Variants in PDZRN3 observed in about 807,000 individuals in gnomAD.
The protein encoded by PDZRN3 is PDZ domain containing ring finger 3.
PDZRN3 carries 38 observed loss-of-function variants against 85.7 expected under a neutral mutation model. The ratio of observed to expected loss-of-function variants is 0.44; its 90% CI spans 0.34 to 0.58. The LOEUF is 0.58. PDZRN3 is among the 20% of genes least tolerant of loss of function. The pLI is 0.01. For synonymous variants in PDZRN3, 759 were observed against 638.0 expected, an observed-to-expected ratio of 1.19 and a Z score of -2.86; for missense variants, 1,629 against 1,506.4, an observed-to-expected ratio of 1.08 and a Z score of -1.35.
At chr3:73,472,357 C>T (rs1456015667) in intron 3 of PDZRN3, among the ~76,000 whole-genome samples, 3 of 152,292 alleles carry the variant, frequency 2.0e-5, no homozygotes, top group Non-Finnish European at 2.9e-5. Flanking sequence ...TGGGATCTCA[C>T]CACTGACCAT....
chr3:73,387,881 C>T (rs2106681730), intron 8 of PDZRN3, 87 bp downstream of exon 8: 2 of 649,798 alleles, frequency 3.1e-6, no homozygotes, highest in African/African-American at 1.8e-5. Flanking sequence ...AAGTTCGCAG[C>T]CAATACTCAG....
chr3:73,604,378 T>G (rs1407761329), intron 2 of PDZRN3, among the ~76,000 whole-genome samples: 1 of 152,178 alleles, frequency 6.6e-6, no homozygotes, highest in Non-Finnish European at 1.5e-5. Context: ...GTAAGTACTA[T>G]TATTACCCAT....
chr3:73,474,434 G>C (rs1415907737), intron 3 of PDZRN3: 4 of 1,226,668 alleles, frequency 3.3e-6, no homozygotes, highest in Non-Finnish European at 4.3e-6. Flanking sequence ...CATTAAAAAA[G>C]GTGGAGCAGA....
chr3:73,554,244 G>A lies in PDZRN3; in HGVS notation c.918+48110C>T, dbSNP rs114087453. Among the ~76,000 whole-genome samples the A allele has an allele frequency of 6.0e-3, 915 of 152,176 alleles. 6 individuals carry two copies. Among genetic ancestry groups the A allele is most frequent in the African/African-American group, 0.021 (878 of 41,504 alleles). On this transcript the variant is annotated intron_variant, in intron 3 of 9. Transcript: ENST00000263666. ...GATTCAAATCCAGTATGCAGCTTAC[G>A]AGGTGTGACATTGGCCAAGTCACAA...
At chr3:73,622,768 T>C (rs1011980647) in intron 1 of PDZRN3, among the ~76,000 whole-genome samples, 6 of 152,210 alleles carry the variant, frequency 3.9e-5, no homozygotes, top group Non-Finnish European at 8.8e-5. Context: ...ACAAGTTATA[T>C]AACTTCTCTG....
chr3:73,446,164 T>G (rs1702744363), intron 3 of PDZRN3, among the ~76,000 whole-genome samples: 2 of 152,174 alleles, frequency 1.3e-5, no homozygotes, highest in Non-Finnish European at 1.5e-5. Context: ...TTTTACACCT[T>G]TCACTGCAGA....
At chr3:73,499,461 C>T (rs996599079) in intron 3 of PDZRN3, among the ~76,000 whole-genome samples, 3 of 152,124 alleles carry the variant, frequency 2.0e-5, no homozygotes, top group Non-Finnish European at 2.9e-5. Flanking sequence ...ATCTCTGTCT[C>T]GAGTCCTTAC....
chr3:73,398,908 T>TAAG (rs1701693558), intron 5 of PDZRN3, among the ~76,000 whole-genome samples: 1 of 152,186 alleles, frequency 6.6e-6, no homozygotes, highest in Non-Finnish European at 1.5e-5. Flanking sequence ...GTAGTTTAAA[T>TAAG]AAGTTGAGTC....
At chr3:73,397,056 CAG>C (rs751051344) in intron 5 of PDZRN3, among the ~76,000 whole-genome samples, 8 of 144,286 alleles carry the variant, frequency 5.5e-5, no homozygotes, top group African/African-American at 1.5e-4. Flanking sequence ...TTTTTTGAGA[CAG>C]AGTCTTGCTC....
chr3:73,498,171 T>C (rs1004415059), intron 3 of PDZRN3, among the ~76,000 whole-genome samples: 1 of 152,188 alleles, frequency 6.6e-6, no homozygotes, highest in Non-Finnish European at 1.5e-5. Flanking sequence ...CATCAATCCC[T>C]GTCACTCCAC....
At chr3:73,415,206 G>A (rs551106134) in intron 3 of PDZRN3, among the ~76,000 whole-genome samples, 2 of 152,274 alleles carry the variant, frequency 1.3e-5, no homozygotes, top group South Asian at 4.1e-4. Context: ...GGAGAGGGAG[G>A]TCCCCTGAGG....
In PDZRN3 at chr3:73,623,983, AG is replaced by A. The variant is rs954611847; in HGVS notation, c.723+119del. ...TACAGCTGGTAAGCAGTGGAAGAAGAGGGAGGAAGCAAGGATGTTCCCGGGA... is the reference window on the plus strand; with the variant it reads ...TACAGCTGGTAAGCAGTGGAAGAAGAGGAGGAAGCAAGGATGTTCCCGGGA... On this transcript the variant is annotated intron_variant, in intron 1 of 9. Transcript: ENST00000263666. 5.0e-6 allele frequency: 5 copies of A among 994,022 alleles called. No individual in the cohort carries two copies. In the African/African-American group the frequency reaches 8.6e-5, roughly 17 times the overall value. The allele number at this position is 994,022 out of a possible 1,614,324, so 61.6% of individuals were successfully genotyped here.
chr3:73,508,411 G>T (rs1704106240), intron 3 of PDZRN3, among the ~76,000 whole-genome samples: 1 of 152,212 alleles, frequency 6.6e-6, no homozygotes, highest in Admixed American at 6.5e-5. Flanking sequence ...AGTGAAAGAA[G>T]AAAAGTCAAC....
chr3:73,525,749 C>T (rs1704507770), intron 3 of PDZRN3, among the ~76,000 whole-genome samples: 1 of 152,232 alleles, frequency 6.6e-6, no homozygotes, highest in South Asian at 2.1e-4. Flanking sequence ...CTGCTCCCTA[C>T]TTGTTGCCTC....
intron 3 of PDZRN3, among the ~76,000 whole-genome samples, chr3:73,426,106 G>A (rs1419269049): frequency 2.0e-5 from 3 of 152,068 alleles, no homozygotes; most frequent in Non-Finnish European, 4.4e-5. Context: ...TTGTTTAGGA[G>A]GATATAGGAT....
intron 3 of PDZRN3, among the ~76,000 whole-genome samples, chr3:73,450,787 C>G (rs1702841824): frequency 6.6e-6 from 1 of 152,160 alleles, no homozygotes; most frequent in Non-Finnish European, 1.5e-5. Flanking sequence ...AAGATCAGAA[C>G]TGAAAAGGCA....
At chr3:73,448,962 G>A (rs913842853) in intron 3 of PDZRN3, among the ~76,000 whole-genome samples, 3 of 152,212 alleles carry the variant, frequency 2.0e-5, no homozygotes, top group South Asian at 2.1e-4. Flanking sequence ...GCAATGTGGT[G>A]TGTGGCATGG....
chr3:73,412,221 G>A (rs1028945983), intron 3 of PDZRN3, among the ~76,000 whole-genome samples: 5 of 152,206 alleles, frequency 3.3e-5, no homozygotes, highest in Non-Finnish European at 7.3e-5. Flanking sequence ...CAAGCGTCAT[G>A]CCCGAAGCCT....
intron 3 of PDZRN3, among the ~76,000 whole-genome samples, chr3:73,414,537 G>C (rs570660723): frequency 6.6e-6 from 1 of 152,302 alleles, no homozygotes; most frequent in Admixed American, 6.5e-5. Context: ...TCATCTTGCA[G>C]TTTACAGACC....
Sources: gnomAD v4.1 joint callset for allele counts (sites outside exome capture counted in the v4.1 genomes callset) on GRCh38, gnomAD v4.1.1 for gene constraint, MANE v1.5 for transcripts, NCBI Gene and HGNC (gene_info 2026-07-23, HGNC 2026-07-21) for gene names.